The following LNP1 variants were observed in gnomAD, a reference collection of about 807,000 sequenced individuals.
The protein encoded by LNP1 is leukemia NUP98 fusion partner 1.
A neutral mutation model predicts 14.5 loss-of-function variants in LNP1; 12 were observed. The ratio of observed to expected loss-of-function variants is 0.83; its 90% CI spans 0.53 to 1.34. The LOEUF is 1.34. LNP1 is among the 40% of genes most tolerant of loss of function. The pLI, the probability that LNP1 is intolerant of heterozygous loss-of-function variation, is 0.00. For missense variants in LNP1, 198 were observed against 210.9 expected, an observed-to-expected ratio of 0.94 and a Z score of 0.38; for synonymous variants, 75 against 71.4, an observed-to-expected ratio of 1.05 and a Z score of -0.26.
Position 100,455,935 on chromosome 3 carries a change from T to C in LNP1, c.*9T>C. The C allele has an allele frequency of 6.2e-7, 1 of 1,600,756 alleles. No individual in the cohort carries two copies. The highest frequency in any genetic ancestry group is 1.1e-5 in the South Asian group (1 of 88,712). On this transcript the variant is annotated 3_prime_UTR_variant, in exon 4 of 4. Transcript: ENST00000383693. ...AAAAAGGGCCTGAATAATACTCTGCTTCTGCCTCATGACATCAGATGCTAC... is the reference window on the plus strand; with the variant it reads ...AAAAAGGGCCTGAATAATACTCTGCCTCTGCCTCATGACATCAGATGCTAC...
Position 100,455,826 on chromosome 3 carries a change from A to G in LNP1, c.437A>G (p.Glu146Gly). Reference protein sequence around the residue: ...ERNERECLRMEIKSRKKVEEE... With the variant: ...ERNERECLRMGIKSRKKVEEE... ...AATGAAAGAGAATGCCTGAGGATGG[A>G]GATAAAATCCCGAAAGAAAGTAGAG... Residue 146 changes from glutamate (E) to glycine (G), a missense_variant, in exon 4 of 4, where the codon GAG (glutamate) becomes GGG (glycine). Glu to Gly is a moderately conservative substitution (Grantham distance 98). Transcript: ENST00000383693. 4 of 1,614,056 alleles carry G rather than the reference A, an allele frequency of 2.5e-6. No individual in the cohort carries two copies. Among genetic ancestry groups the G allele is most frequent in the Non-Finnish European group, 3.4e-6 (4 of 1,179,926 alleles).
intron 1 of LNP1, among the ~76,000 whole-genome samples, chr3:100,406,298 AC>A (rs1348507075): frequency 6.6e-6 from 1 of 151,808 alleles, no homozygotes; most frequent in Non-Finnish European, 1.5e-5. Flanking sequence ...GAAAAAAAAA[AC>A]CTCTCAGGTG....
chr3:100,436,211 T>C (rs773035951), intron 2 of LNP1, among the ~76,000 whole-genome samples: 6 of 152,196 alleles, frequency 3.9e-5, no homozygotes, highest in Non-Finnish European at 5.9e-5. Flanking sequence ...GTCCTGTTTA[T>C]AATTAGGTAT....
chr3:100,437,811 A>C (rs2148905362), intron 2 of LNP1, among the ~76,000 whole-genome samples: 1 of 152,382 alleles, frequency 6.6e-6, no homozygotes, highest in South Asian at 2.1e-4. Flanking sequence ...AGGCAGTTTC[A>C]CATGGAAATA....
At position 100,418,226 on chromosome 3, in the gene LNP1, A is replaced by AT. The variant is rs774975365; in HGVS notation, c.-33-11456dup. 1.7e-3 allele frequency among the ~76,000 whole-genome samples: 235 copies of AT among 139,596 alleles called. 2 individuals are homozygous for AT. The Middle Eastern group carries it at 0.029, about 17-fold the overall frequency. The allele number at this position is 139,596 out of a possible 152,430, so 91.6% of individuals were successfully genotyped here. On this transcript the variant is annotated intron_variant, in intron 1 of 3. Coordinates refer to ENST00000383693, the MANE Select transcript of LNP1 (RefSeq NM_001085451.2). ...AGGCACCCACCACCACACCCGGCTA[A>AT]TTTTTTTTTTTTTTTGTATTTTTAG...
chr3:100,453,194 T>G (rs992644306), intron 3 of LNP1, among the ~76,000 whole-genome samples: 2 of 152,122 alleles, frequency 1.3e-5, no homozygotes, highest in African/African-American at 4.8e-5. Flanking sequence ...TTGCTCAGAG[T>G]GACCCTGTAT....
At chr3:100,433,416 G>A (rs1016495774) in intron 2 of LNP1, among the ~76,000 whole-genome samples, 1 of 152,166 alleles carries the variant, frequency 6.6e-6, no homozygotes, top group Non-Finnish European at 1.5e-5. Context: ...TTTTATGGCT[G>A]CATGGTATTC....
intron 1 of LNP1, among the ~76,000 whole-genome samples, chr3:100,417,578 C>T (rs1049489642): frequency 2.0e-5 from 3 of 151,754 alleles, no homozygotes; most frequent in African/African-American, 7.3e-5. Context: ...GAGGTTTCAC[C>T]ATGTTGGTCA....
At chr3:100,446,572 A>AT (rs1317611281) in intron 2 of LNP1, among the ~76,000 whole-genome samples, 1 of 152,104 alleles carries the variant, frequency 6.6e-6, no homozygotes, top group African/African-American at 2.4e-5. Context: ...ACCAAAAGCA[A>AT]TGGCAACAAA....
intron 1 of LNP1, among the ~76,000 whole-genome samples, chr3:100,423,687 A>G (rs182921470): frequency 6.6e-6 from 1 of 151,922 alleles, no homozygotes; most frequent in Admixed American, 6.5e-5. Context: ...TTTTTTTCAC[A>G]TTCAGCATGA....
chr3:100,451,980 C>T (rs369045080), intron 3 of LNP1, 31 bp downstream of exon 3: 46 of 1,497,524 alleles, frequency 3.1e-5, no homozygotes, highest in Non-Finnish European at 3.8e-5. Context: ...ATATTTAAGC[C>T]GCTTTAAAAA....
intron 1 of LNP1, among the ~76,000 whole-genome samples, chr3:100,427,955 G>C (rs1232570734): frequency 6.6e-6 from 1 of 152,184 alleles, no homozygotes; most frequent in Non-Finnish European, 1.5e-5. Flanking sequence ...GTAAACATTG[G>C]TCATAGTTAT....
At position 100,429,738 on chromosome 3, in the gene LNP1, CA is replaced by C. The variant is rs1458932310; in HGVS notation, c.12del (p.Asp5MetfsTer13). The C allele has an allele frequency of 6.2e-7, 1 of 1,613,626 alleles. No homozygotes were observed. Among genetic ancestry groups the C allele is most frequent in the Non-Finnish European group, 8.5e-7 (1 of 1,179,752 alleles). On this transcript the variant is annotated frameshift_variant, in exon 2 of 4. Coordinates refer to ENST00000383693, the MANE Select transcript of LNP1 (RefSeq NM_001085451.2). LOFTEE classifies it high-confidence loss of function. MEHKDDDDDDVSFA... is the reference protein window; with the variant it reads MEHXDDDDDDVSFA... ...TTTGGCATCACCTTTACATGGAGCACAAAGATGATGATGATGATGATGTGTC... is the reference window on the plus strand; with the variant it reads ...TTTGGCATCACCTTTACATGGAGCACAAGATGATGATGATGATGATGTGTC...
intron 1 of LNP1, among the ~76,000 whole-genome samples, chr3:100,402,934 C>A (rs1306055041): frequency 2.6e-5 from 4 of 152,084 alleles, no homozygotes; most frequent in African/African-American, 4.8e-5. Flanking sequence ...TATCTAAAGG[C>A]CTGATTTTGT....
At chr3:100,405,047 C>T (rs964654319) in intron 1 of LNP1, among the ~76,000 whole-genome samples, 9 of 152,278 alleles carry the variant, frequency 5.9e-5, no homozygotes, top group African/African-American at 1.7e-4. Context: ...CCGCCTCGGC[C>T]TCTCAAAGTG....
intron 1 of LNP1, among the ~76,000 whole-genome samples, chr3:100,410,964 A>ATCAGGG (rs1275288950): frequency 6.6e-6 from 1 of 152,062 alleles, no homozygotes; most frequent in Non-Finnish European, 1.5e-5. Context: ...TGCCTACTAT[A>ATCAGGG]TCAGGGTCAG....
At chr3:100,431,351 T>C (rs1707240273) in intron 2 of LNP1, among the ~76,000 whole-genome samples, 1 of 152,252 alleles carries the variant, frequency 6.6e-6, no homozygotes, top group African/African-American at 2.4e-5. Context: ...GCATCTATTA[T>C]GTATAACATT....
At chr3:100,433,859 G>A (rs1028823899) in intron 2 of LNP1, among the ~76,000 whole-genome samples, 10 of 152,148 alleles carry the variant, frequency 6.6e-5, no homozygotes, top group Admixed American at 5.9e-4. Flanking sequence ...CCGCATAAAT[G>A]TCTTCTTTTG....
At chr3:100,429,368 A>C (rs570731499) in intron 1 of LNP1, among the ~76,000 whole-genome samples, 2 of 152,172 alleles carry the variant, frequency 1.3e-5, no homozygotes, top group Non-Finnish European at 2.9e-5. Context: ...ATGCCATCAC[A>C]TGTCATTGGC....
Sources: allele counts gnomAD v4.1 joint callset (sites outside exome capture counted in the v4.1 genomes callset), GRCh38; gene constraint gnomAD v4.1.1; transcripts MANE v1.5; gene names NCBI Gene and HGNC (gene_info 2026-07-23, HGNC 2026-07-21).